Variants in MGAT5B observed in about 807,000 individuals in gnomAD.
The protein encoded by MGAT5B is N-acetylglucosaminyl-transferase Vb.
MGAT5B carries 54 observed loss-of-function variants against 95.1 expected under a neutral mutation model. That is an observed-to-expected ratio of 0.57 (90% CI 0.46 to 0.71). MGAT5B has a LOEUF of 0.71. Among genes scored for constraint, MGAT5B ranks in the 30% least tolerant of loss-of-function variants. The pLI is 0.00. For missense variants in MGAT5B, 935 were observed against 1,088.6 expected, an observed-to-expected ratio of 0.86 and a Z score of 1.99; for synonymous variants, 464 against 451.0, an observed-to-expected ratio of 1.03 and a Z score of -0.36.
rs1169021441 is a variant in MGAT5B at position 76,915,645 on chromosome 17, A to T, written c.1026-9321A>T. On this transcript the variant is annotated intron_variant, in intron 8 of 17. Transcript: ENST00000569840. This position sits in a 1 kb window ranked among gnomAD's most constrained non-coding sequence, Gnocchi z 8.7. ...TTGGAATATTTTGTAACTTATAAGC[A>T]CACAGATTAGGAAAAGGTGGGGAAG... Among the ~76,000 whole-genome samples, 1 of 152,160 alleles carries T rather than the reference A, an allele frequency of 6.6e-6. No individual in the cohort carries two copies. The highest frequency in any genetic ancestry group is 6.5e-5 in the Admixed American group (1 of 15,278).
intron 15 of MGAT5B, among the ~76,000 whole-genome samples, chr17:76,942,065 A>T (rs1453770238): frequency 6.6e-6 from 1 of 152,110 alleles, no homozygotes; most frequent in East Asian, 1.9e-4. Flanking sequence ...TGGGGCGCTG[A>T]TGGCCCTGCT....
At chr17:76,903,260 C>T in intron 4 of MGAT5B, 43 bp from the exon 5 acceptor site, 1 of 1,537,294 alleles carries the variant, frequency 6.5e-7, no homozygotes, top group Non-Finnish European at 8.9e-7. Flanking sequence ...CCCTGGGCTC[C>T]TCCTTGGACC....
At chr17:76,879,001 C>T (rs974689878) in intron 2 of MGAT5B, among the ~76,000 whole-genome samples, 1 of 152,102 alleles carries the variant, frequency 6.6e-6, no homozygotes, top group African/African-American at 2.4e-5. Flanking sequence ...GCTTCTGCCC[C>T]ATCCCCCTTG....
chr17:76,939,632 G>T lies in MGAT5B; in HGVS notation c.1585-770G>T, dbSNP rs35392439. 4.3e-3 allele frequency among the ~76,000 whole-genome samples: 655 copies of T among 152,262 alleles called. 1 individual carries two copies. Among genetic ancestry groups the T allele is most frequent in the Non-Finnish European group, 7.2e-3 (490 of 68,016 alleles). On this transcript the variant is annotated intron_variant, in intron 13 of 17. Transcript: ENST00000569840. ...AGGATCTTGTCACCCAGGTAGTGAG[G>T]ATAGTACCCAGTAGTTAATTCTTCC...
chr17:76,896,402 C>T (rs1160238359), intron 3 of MGAT5B, among the ~76,000 whole-genome samples: 4 of 152,244 alleles, frequency 2.6e-5, no homozygotes, highest in African/African-American at 9.6e-5. Flanking sequence ...GGGTTTTACA[C>T]AGACATGCTT....
chr17:76,934,832 G>T (rs1011788952), intron 12 of MGAT5B, among the ~76,000 whole-genome samples: 1 of 152,186 alleles, frequency 6.6e-6, no homozygotes, highest in Non-Finnish European at 1.5e-5. Flanking sequence ...ACCAAAGGAA[G>T]TCAGAGGTGG....
intron 8 of MGAT5B, among the ~76,000 whole-genome samples, chr17:76,910,031 G>C (rs1243449321): frequency 6.6e-6 from 1 of 152,132 alleles, no homozygotes; most frequent in Non-Finnish European, 1.5e-5. Flanking sequence ...TCTGGGGGAG[G>C]AAATTCTCAC....
chr17:76,903,767 G>A (rs765818152), intron 5 of MGAT5B, among the ~76,000 whole-genome samples: 2 of 152,220 alleles, frequency 1.3e-5, no homozygotes. Flanking sequence ...CGTGAAGTCA[G>A]CTCCCCACTG....
At chr17:76,934,125 G>A (rs1969582576) in intron 12 of MGAT5B, among the ~76,000 whole-genome samples, 1 of 152,160 alleles carries the variant, frequency 6.6e-6, no homozygotes, top group Non-Finnish European at 1.5e-5. Flanking sequence ...AGAGAAGGAG[G>A]ACTCAGGGGG....
chr17:76,880,960 G>C (rs1967388060), intron 2 of MGAT5B, among the ~76,000 whole-genome samples: 2 of 152,188 alleles, frequency 1.3e-5, no homozygotes, highest in African/African-American at 4.8e-5. Flanking sequence ...TTGGGCCCCT[G>C]GACTGGCAGC....
rs898030106 is a variant in MGAT5B, at chr17:76,948,225, G to T, written c.2180+139G>T. On this transcript the variant is annotated intron_variant, in intron 17 of 17. Transcript: ENST00000569840. ...TAATGCTTTCCAATGAGTCAGGAAG[G>T]ATCCAGAAGGGATCCTCCAGGCCAT... is the stretch of plus-strand genomic sequence containing the variant. The T allele has an allele frequency of 1.1e-5, 16 of 1,424,878 alleles. No homozygotes were observed. The Admixed American group carries it at 1.7e-4, about 16-fold the overall frequency. 88.3% of individuals were successfully genotyped at this position (1,424,878 alleles called of 1,614,324 possible).
At chr17:76,936,201 G>C (rs1239887973) in intron 12 of MGAT5B, among the ~76,000 whole-genome samples, 2 of 152,040 alleles carry the variant, frequency 1.3e-5, no homozygotes, top group African/African-American at 4.8e-5. Context: ...GAGGTCAGGA[G>C]ATTGAGATCA....
At chr17:76,926,800 C>T (rs570165181) in intron 10 of MGAT5B, 70 bp downstream of exon 10, 22 of 1,557,452 alleles carry the variant, frequency 1.4e-5, no homozygotes, top group Admixed American at 3.6e-5. Context: ...ACACGAGAGG[C>T]GGCCAGGGTC....
intron 15 of MGAT5B, among the ~76,000 whole-genome samples, chr17:76,945,937 A>T (rs1049848780): frequency 6.7e-6 from 1 of 150,112 alleles, no homozygotes; most frequent in African/African-American, 2.4e-5. Context: ...TGCTGGGGGA[A>T]GTCTGGGGTG....
In MGAT5B at chr17:76,926,700, C is replaced by T. The variant is rs1567817907; in HGVS notation, c.1261C>T (p.Leu421Phe). 1.2e-6 allele frequency: 2 copies of T among 1,612,770 alleles called. No individual in the cohort carries two copies. The highest frequency in any genetic ancestry group is 1.7e-5 in the Admixed American group (1 of 60,022). ...GYRTNWGYWN[L>F]NPKQFMTMFP... is the part of the protein sequence containing the mutation. ...CCGGACCAACTGGGGCTACTGGAACCTCAACCCCAAGCAGTTCATGACCAT... is the reference window on the plus strand; with the variant it reads ...CCGGACCAACTGGGGCTACTGGAACTTCAACCCCAAGCAGTTCATGACCAT... Residue 421 changes from leucine to phenylalanine, a missense_variant, in exon 10 of 18, where the codon CTC becomes TTC. Physicochemically the swap from Leu to Phe is conservative, Grantham distance 22. Transcript: ENST00000569840.
At chr17:76,933,338 T>C (rs1382245628) in intron 12 of MGAT5B, 41 bp downstream of exon 12, 1 of 1,597,542 alleles carries the variant, frequency 6.3e-7, no homozygotes, top group Admixed American at 1.7e-5. Flanking sequence ...TACCCTCTGC[T>C]CCCTTCCCCT....
In MGAT5B at chr17:76,870,146, T is replaced by A. The variant is rs1458899013; in HGVS notation, c.68+1049T>A. Among the ~76,000 whole-genome samples, 2 of 152,154 alleles carry A rather than the reference T, an allele frequency of 1.3e-5. No individual in the cohort carries two copies. The highest frequency in any genetic ancestry group is 2.9e-5 in the Non-Finnish European group (2 of 68,002). On this transcript the variant is annotated intron_variant, in intron 1 of 17. Transcript: ENST00000569840. This position sits in a 1 kb window ranked among gnomAD's most constrained non-coding sequence, Gnocchi z 5.0. ...GCCCTGAACTCTTGCCCTCCAGGTC[T>A]CGGCCCAGCCCCACTGTGGTCCCCC...
At chr17:76,944,894 G>A (rs1032535242) in intron 15 of MGAT5B, among the ~76,000 whole-genome samples, 5 of 152,348 alleles carry the variant, frequency 3.3e-5, no homozygotes, top group Admixed American at 6.5e-5. Context: ...GTGGTTGCAG[G>A]CTTGAGTCAA....
rs958270164 is a variant in MGAT5B at position 76,868,919 on chromosome 17, C to A, written c.-111C>A. 4.9e-6 allele frequency: 5 copies of A among 1,023,782 alleles called. No homozygotes were observed. The highest frequency in any genetic ancestry group is 7.1e-6 in the Non-Finnish European group (5 of 701,468). The allele number at this position is 1,023,782 out of a possible 1,614,324, so 63.4% of individuals were successfully genotyped here. A position where few individuals can be genotyped will look rare whatever the true frequency, so the allele number is the denominator to read the frequency against. ...CGGGCCGCGCGCTCCCAGCTTCGCT[C>A]GGACGCGGCTTCGGCCCGCAGAGGG... On this transcript the variant is annotated 5_prime_UTR_variant, in exon 1 of 18. Transcript: ENST00000569840. The surrounding 1 kb of genome is among the most constrained non-coding windows in gnomAD (Gnocchi z 6.3).
Sources: allele counts gnomAD v4.1 joint callset (sites outside exome capture counted in the v4.1 genomes callset), GRCh38; gene constraint gnomAD v4.1.1; non-coding constraint Gnocchi (gnomAD v3.1); transcripts MANE v1.5; gene names NCBI Gene and HGNC (gene_info 2026-07-23, HGNC 2026-07-21).